The following SARDH variants were observed in gnomAD, a reference collection of about 807,000 sequenced individuals.
SARDH encodes the protein sarcosine dehydrogenase, mitochondrial.
A neutral mutation model predicts 109.1 loss-of-function variants in SARDH; 95 were observed. The observed-to-expected ratio is 0.87, with a 90% CI of 0.74 to 1.03. SARDH has a LOEUF of 1.03. SARDH is among the 50% of genes least tolerant of loss of function. The pLI is 0.00. For missense variants in SARDH, 1,267 were observed against 1,287.8 expected, an observed-to-expected ratio of 0.98 and a Z score of 0.25; for synonymous variants, 572 against 534.8, an observed-to-expected ratio of 1.07 and a Z score of -0.96.
intron 8 of SARDH, 43 bp from the exon 9 acceptor site, chr9:133,713,167 A>G (rs887122481): frequency 2.8e-5 from 43 of 1,552,024 alleles, no homozygotes; most frequent in Admixed American, 1.1e-4. Flanking sequence ...TTTGCAGTGC[A>G]CATACTCTTG....
chr9:133,713,101 G>T lies in SARDH; in HGVS notation c.1174C>A (p.Pro392Thr). ...GPESFTPDHK[P>T]LMGEAPELRG... is the part of the protein sequence containing the mutation. ...AGCTCAGGTGCCTCCCCCATCAGGG[G>T]CTTGTGGTCGGGCGTGAAGGATTCT... The change falls in exon 9 of 21, where the codon CCC (proline) becomes ACC (threonine). Residue 392 changes from proline to threonine, a missense_variant. By Grantham distance (38) the Pro-to-Thr change is conservative. Transcript: ENST00000439388. The T allele has an allele frequency of 6.2e-7, 1 of 1,613,430 alleles. No homozygotes were observed. Among genetic ancestry groups the T allele is most frequent in the Non-Finnish European group, 8.5e-7 (1 of 1,179,948 alleles).
Position 133,709,777 on chromosome 9 carries a change from G to A in SARDH, c.1329-1349C>T, listed in dbSNP as rs924557258. Among the ~76,000 whole-genome samples the A allele has an allele frequency of 3.3e-5, 5 of 152,142 alleles. No individual in the cohort carries two copies. Among genetic ancestry groups the A allele is most frequent in the Non-Finnish European group, 5.9e-5 (4 of 68,030 alleles). On this transcript the variant is annotated intron_variant, in intron 10 of 20. Coordinates refer to ENST00000439388, the MANE Select transcript of SARDH (RefSeq NM_001134707.2). This position sits in a 1 kb window ranked among gnomAD's most constrained non-coding sequence, Gnocchi z 4.2. ...TGTCCCCAGAGCTGCCTTCTGCATG[G>A]GACCCAAGATTAACTCTTTCACGCA...
chr9:133,667,094 A>G (rs965485884), intron 19 of SARDH: 21 of 606,968 alleles, frequency 3.5e-5, no homozygotes, highest in Middle Eastern at 8.8e-4. Context: ...TGAATAGAAA[A>G]CATCAAAACC....
rs373023753 is a variant in SARDH, at chr9:133,734,063, C to T, written c.111G>A (p.Glu37=). The change falls in exon 2 of 21, where the codon GAG becomes GAA. Residue 37 remains glutamate (E), a synonymous_variant. Transcript: ENST00000439388. The part of the protein sequence containing the change: ...NLSSAAGPTA[E]KSVPYQRTLK... ...GGGTCCGCTGATATGGCACACTCTT[C>T]TCGGCTGTGGGGCCAGCTGCGCTGG... is the stretch of plus-strand genomic sequence containing the variant. The T allele has an allele frequency of 3.7e-6, 6 of 1,613,300 alleles. No individual in the cohort carries two copies. Among genetic ancestry groups the T allele is most frequent in the African/African-American group, 1.3e-5 (1 of 75,070 alleles).
At chr9:133,672,594 C>G (rs535042254) in intron 17 of SARDH, among the ~76,000 whole-genome samples, 2 of 152,374 alleles carry the variant, frequency 1.3e-5, no homozygotes, top group South Asian at 4.1e-4. Flanking sequence ...GGGAAGGGGA[C>G]AGCCAGGTGC....
intron 5 of SARDH, 54 bp downstream of exon 5, chr9:133,730,010 T>C (rs1227185134): frequency 1.4e-5 from 22 of 1,609,272 alleles, no homozygotes; most frequent in South Asian, 3.3e-5. Flanking sequence ...TGGGAGCAGG[T>C]TTAGGGAGCA....
rs760444927 is a variant in SARDH, at chr9:133,708,328, G to T, written c.1429C>A (p.Pro477Thr). 10 of 1,613,378 alleles carry T rather than the reference G, an allele frequency of 6.2e-6. No individual in the cohort carries two copies. In the African/African-American group the frequency reaches 9.3e-5, roughly 15 times the overall value. Reference protein sequence around the residue: ...NYSVVFPHDEPLAGRNMRRDP... With the variant: ...NYSVVFPHDETLAGRNMRRDP... ...CTCCTCATGTTGCGCCCGGCCAGCG[G>T]CTCATCGTGGGGGAAGACGACGGAG... Residue 477 changes from proline to threonine, a missense_variant, in exon 11 of 21, where the codon CCG becomes ACG. Transcript: ENST00000439388.
At chr9:133,682,529 C>T (rs1295446118) in intron 17 of SARDH, among the ~76,000 whole-genome samples, 1 of 152,210 alleles carries the variant, frequency 6.6e-6, no homozygotes, top group East Asian at 1.9e-4. Flanking sequence ...AGCTTCGTGC[C>T]GCAGCTCACG....
upstream of SARDH, chr9:133,738,408 G>GCCA (rs1450939421): frequency 6.6e-6 from 1 of 152,048 alleles, no homozygotes; most frequent in Non-Finnish European, 1.5e-5. Flanking sequence ...CCCAGGATCT[G>GCCA]GGCGGAGCGT....
In SARDH at chr9:133,718,096, C is replaced by T. The variant is rs181943312; in HGVS notation, c.1021-641G>A. On this transcript the variant is annotated intron_variant, in intron 7 of 20. Transcript: ENST00000439388. The surrounding 1 kb of genome is among the most constrained non-coding windows in gnomAD (Gnocchi z 4.2). ...CATTTGTTTGTTTGTTTGTTTGTAA[C>T]AGTCTCACTCTGTCACCCAGGCTGG... is the stretch of plus-strand genomic sequence containing the variant. Among the ~76,000 whole-genome samples, 20 of 152,142 alleles carry T rather than the reference C, an allele frequency of 1.3e-4. No individual in the cohort carries two copies. Among genetic ancestry groups the T allele is most frequent in the African/African-American group, 3.6e-4 (15 of 41,476 alleles).
In SARDH at chr9:133,712,346, C is replaced by T. The variant is rs1185185970; in HGVS notation, c.1328+273G>A. Among the ~76,000 whole-genome samples, 1 of 152,094 alleles carries T rather than the reference C, an allele frequency of 6.6e-6. No homozygotes were observed. Among genetic ancestry groups the T allele is most frequent in the Non-Finnish European group, 1.5e-5 (1 of 68,010 alleles). On this transcript the variant is annotated intron_variant, in intron 10 of 20. Transcript: ENST00000439388. The surrounding 1 kb of genome is among the most constrained non-coding windows in gnomAD (Gnocchi z 4.1). ...TCCCCATCTGTGAGGTGGGGTGATG[C>T]CATCCCACTGATGACTCCAGAGCTG... is the stretch of plus-strand genomic sequence containing the variant.
chr9:133,713,013 C>T, intron 9 of SARDH, 25 bp downstream of exon 9: 1 of 1,597,154 alleles, frequency 6.3e-7, no homozygotes, highest in Non-Finnish European at 8.5e-7. Context: ...TCTTGGGGGC[C>T]AGGAGGGCTG....
At chr9:133,661,489 TGTTG>T (rs1294870188), downstream of SARDH, among the ~76,000 whole-genome samples, 1 of 151,202 alleles carries the variant, frequency 6.6e-6, no homozygotes, top group Non-Finnish European at 1.5e-5. Context: ...TTCTTTTTTT[TGTTG>T]TTTTTGAGAC....
rs1221164859 is a variant in SARDH at position 133,666,053 on chromosome 9, C to T, written c.2631+682G>A. Among the ~76,000 whole-genome samples the T allele has an allele frequency of 1.3e-5, 2 of 152,234 alleles. No individual in the cohort carries two copies. Among genetic ancestry groups the T allele is most frequent in the Non-Finnish European group, 2.9e-5 (2 of 68,034 alleles). ...TGGGGAGGCTGCCCACCCCCTGCCC[C>T]ACCACCCCTGGCCACCCAGAGCTGT... On this transcript the variant is annotated intron_variant, in intron 20 of 20. Transcript: ENST00000439388. The surrounding 1 kb of genome is among the most constrained non-coding windows in gnomAD (Gnocchi z 5.2).
At chr9:133,705,064 G>A (rs748502636) in intron 11 of SARDH, 33 bp from the exon 12 acceptor site, 57 of 1,556,088 alleles carry the variant, frequency 3.7e-5, no homozygotes, top group South Asian at 4.7e-5. Flanking sequence ...CATCTGTCAC[G>A]CATGGCCTGA....
chr9:133,738,882 C>T (rs1487499339), upstream of SARDH, among the ~76,000 whole-genome samples: 2 of 152,316 alleles, frequency 1.3e-5, no homozygotes, highest in Admixed American at 6.5e-5. Context: ...TGTCTGCGTC[C>T]TGCTTTCCCG....
rs1564303718 is a variant in SARDH, at chr9:133,734,202, A to T, written c.-29T>A. On this transcript the variant is annotated splice_region_variant and 5_prime_UTR_variant, in exon 2 of 21. Coordinates refer to ENST00000439388, the MANE Select transcript of SARDH (RefSeq NM_001134707.2). ...GGCTCCAGGCCTCAGCGAAACAGGG[A>T]GCTGGGGAGAGAATCAGAGCTGGGT... The T allele has an allele frequency of 1.3e-6, 2 of 1,505,082 alleles. No individual in the cohort carries two copies. The highest frequency in any genetic ancestry group is 2.6e-5 in the South Asian group (2 of 78,394). 93.2% of individuals were successfully genotyped at this position (1,505,082 alleles called of 1,614,324 possible).
chr9:133,700,338 A>C (rs1831436359), intron 13 of SARDH, among the ~76,000 whole-genome samples: 1 of 152,064 alleles, frequency 6.6e-6, no homozygotes, highest in Non-Finnish European at 1.5e-5. Flanking sequence ...AAAAATAAAT[A>C]AATAAATAAA....
In SARDH at chr9:133,728,840, G is replaced by A. The variant is rs1832577075; in HGVS notation, c.915+925C>T. Among the ~76,000 whole-genome samples, 2 of 151,794 alleles carry A rather than the reference G, an allele frequency of 1.3e-5. No individual in the cohort carries two copies. Among genetic ancestry groups the A allele is most frequent in the Non-Finnish European group, 2.9e-5 (2 of 67,930 alleles). On this transcript the variant is annotated intron_variant, in intron 6 of 20. Transcript: ENST00000439388. The surrounding 1 kb of genome is among the most constrained non-coding windows in gnomAD (Gnocchi z 5.0). ...GAAGGAAGGGCAGAGGGAGAGATGA[G>A]TGGCTAGAGGGAGGGAGGGAGGGAT...
Sources: allele counts gnomAD v4.1 joint callset (sites outside exome capture counted in the v4.1 genomes callset), GRCh38; gene constraint gnomAD v4.1.1; non-coding constraint Gnocchi (gnomAD v3.1); transcripts MANE v1.5; gene names NCBI Gene and HGNC (gene_info 2026-07-23, HGNC 2026-07-21).